Variants in FRMPD1 observed in about 807,000 individuals in gnomAD.
FRMPD1 encodes FERM and PDZ domain-containing protein 1.
A neutral mutation model predicts 117.8 loss-of-function variants in FRMPD1; 76 were observed. The observed-to-expected ratio is 0.65, with a 90% confidence interval of 0.54 to 0.78. The LOEUF (loss-of-function observed/expected upper bound fraction) is 0.78. Among genes scored for constraint, FRMPD1 ranks in the 30% least tolerant of loss-of-function variants. The probability of loss-of-function intolerance (pLI) is 0.00; values close to 1 mark genes in which losing one functional copy is unlikely to be tolerated. For missense variants in FRMPD1, 1,786 were observed against 1,964.5 expected (o/e 0.91, Z 1.72); for synonymous variants, 783 against 770.4 (o/e 1.02, Z -0.27).
At chr9:37,680,528 A>G (rs1352112326) in intron 1 of FRMPD1, among the ~76,000 whole-genome samples, 1 of 152,160 alleles carries the variant, frequency 6.6e-6, no homozygotes, top group East Asian at 1.9e-4. Context: ...GTGGTCTGGC[A>G]GTTTGTTGAC....
At chr9:37,609,016 C>T in the FRMPD1 span, among the ~76,000 whole-genome samples, 1 of 152,192 alleles carries the variant, frequency 6.6e-6, no homozygotes, top group Admixed American at 6.5e-5. Flanking sequence ...TCAGGCCGGG[C>T]ATGGTGGCTC....
At chr9:37,615,298 A>G in the FRMPD1 span, among the ~76,000 whole-genome samples, 29 of 151,738 alleles carry the variant, frequency 1.9e-4, no homozygotes, top group Non-Finnish European at 1.6e-4. Flanking sequence ...TTTGGTAGAG[A>G]TGGGGTTTAG....
the FRMPD1 span, among the ~76,000 whole-genome samples, chr9:37,631,882 G>C: frequency 1.3e-5 from 2 of 152,182 alleles, no homozygotes; most frequent in Non-Finnish European, 2.9e-5. Context: ...TGGGATTATA[G>C]ACATGAGCCA....
chr9:37,690,962 A>G (rs1189277358), intron 1 of FRMPD1, among the ~76,000 whole-genome samples: 2 of 152,194 alleles, frequency 1.3e-5, no homozygotes, highest in African/African-American at 4.8e-5. Context: ...TTCATTCATG[A>G]GGACACAGCC....
chr9:37,736,267 C>G (rs1171432474), intron 13 of FRMPD1, among the ~76,000 whole-genome samples: 1 of 151,930 alleles, frequency 6.6e-6, no homozygotes, highest in African/African-American at 2.4e-5. Flanking sequence ...TCCCAAAGTG[C>G]TGGGATTACA....
At chr9:37,614,089 A>T in the FRMPD1 span, among the ~76,000 whole-genome samples, 11 of 152,374 alleles carry the variant, frequency 7.2e-5, no homozygotes, top group South Asian at 2.3e-3. Context: ...GAGACCTCTC[A>T]TATGACATCA....
intron 12 of FRMPD1, 128 bp from the exon 13 acceptor site, chr9:37,735,424 G>A (rs376005046): frequency 1.9e-5 from 13 of 691,246 alleles, no homozygotes; most frequent in South Asian, 1.4e-4. Flanking sequence ...GCAATAGTCT[G>A]GAGGAGTGGT....
At chr9:37,633,575 G>T in the FRMPD1 span, among the ~76,000 whole-genome samples, 1 of 152,204 alleles carries the variant, frequency 6.6e-6, no homozygotes, top group Admixed American at 6.5e-5. Flanking sequence ...AAGAAAAAAA[G>T]CAGCCTGGTG....
chr9:37,683,359 A>G (rs1395255607), intron 1 of FRMPD1, among the ~76,000 whole-genome samples: 4 of 152,238 alleles, frequency 2.6e-5, no homozygotes, highest in African/African-American at 4.8e-5. Flanking sequence ...AGAACTTTAT[A>G]GTTTTCAAAG....
At chr9:37,733,929 G>A (rs1038972205) in intron 12 of FRMPD1, 104 bp downstream of exon 12, 31 of 725,136 alleles carry the variant, frequency 4.3e-5, no homozygotes, top group Middle Eastern at 7.7e-4. Flanking sequence ...ACTCTGTCAT[G>A]TACTAGAATT....
intron 1 of FRMPD1, among the ~76,000 whole-genome samples, chr9:37,676,728 C>T (rs1008929851): frequency 6.6e-6 from 1 of 152,168 alleles, no homozygotes; most frequent in South Asian, 2.1e-4. Flanking sequence ...CATTCTTGGC[C>T]GCCTGACAGC....
intron 2 of FRMPD1, among the ~76,000 whole-genome samples, chr9:37,696,042 A>G (rs1434399006): frequency 2.5e-5 from 2 of 81,578 alleles, no homozygotes; most frequent in Admixed American, 1.4e-4. Flanking sequence ...ACCGTTCTCC[A>G]TTGTTTTGCT....
At chr9:37,655,417 C>T (rs1224616840) in intron 1 of FRMPD1, among the ~76,000 whole-genome samples, 12 of 151,822 alleles carry the variant, frequency 7.9e-5, no homozygotes, top group African/African-American at 1.5e-4. Flanking sequence ...ACTGAAGTCC[C>T]GAGTCCTCAG....
intron 15 of FRMPD1, among the ~76,000 whole-genome samples, chr9:37,741,450 G>C (rs1373048178): frequency 7.4e-6 from 1 of 135,634 alleles, no homozygotes; most frequent in Non-Finnish European, 1.6e-5. Flanking sequence ...ATCCTGGCAG[G>C]ACACACACAC....
chr9:37,731,033 GTTT>G lies in FRMPD1; in HGVS notation c.790_792del (p.Phe264del). The G allele has an allele frequency of 2.5e-6, 4 of 1,613,792 alleles. No individual in the cohort carries two copies. The highest frequency in any genetic ancestry group is 3.4e-6 in the Non-Finnish European group (4 of 1,179,670). The stretch of plus-strand genomic sequence containing the variant: ...GACTACCGCTGCCTCTTCAGGGTCT[GTTT>G]TGTTCCCAAGGACCCCCTGGACCTC... On this transcript the variant is annotated inframe_deletion, in exon 9 of 16. Transcript: ENST00000377765.
At position 37,746,715 on chromosome 9, in the gene FRMPD1, C is replaced by G; in HGVS notation, c.4683C>G (p.Leu1561=). The G allele has an allele frequency of 6.2e-7, 1 of 1,614,068 alleles. No homozygotes were observed. The highest frequency in any genetic ancestry group is 8.5e-7 in the Non-Finnish European group (1 of 1,180,040). The change falls in exon 16 of 16, where the codon CTC becomes CTG. Residue 1561 remains leucine, a synonymous_variant. Coordinates refer to ENST00000377765, the MANE Select transcript of FRMPD1 (RefSeq NM_014907.3). The part of the protein sequence containing the change: ...VKLLARQCTA[L]TAAVFCLTQK... ...TCCTGGCCCGTCAGTGCACGGCCCT[C>G]ACGGCCGCCGTGTTCTGTTTGACCC...
intron 10 of FRMPD1, among the ~76,000 whole-genome samples, 156 bp from the exon 11 acceptor site, chr9:37,733,317 A>ATG (rs927187749): frequency 6.6e-6 from 1 of 152,030 alleles, no homozygotes; most frequent in African/African-American, 2.4e-5. Flanking sequence ...GAGTGTGTGT[A>ATG]TGTGTGTGTG....
At chr9:37,686,842 G>A (rs1420101694) in intron 1 of FRMPD1, among the ~76,000 whole-genome samples, 1 of 152,188 alleles carries the variant, frequency 6.6e-6, no homozygotes, top group African/African-American at 2.4e-5. Context: ...CAATCATGTG[G>A]AAACTATAAG....
the FRMPD1 span, among the ~76,000 whole-genome samples, chr9:37,625,108 C>T: frequency 1.2e-3 from 181 of 152,304 alleles, no homozygotes; most frequent in Non-Finnish European, 2.3e-3. Context: ...TATCCCAAGT[C>T]TGAACATGGG....
Sources: gnomAD v4.1 joint callset for allele counts (sites outside exome capture counted in the v4.1 genomes callset) on GRCh38, gnomAD v4.1.1 for gene constraint, MANE v1.5 for transcripts, NCBI Gene and HGNC (gene_info 2026-07-23, HGNC 2026-07-21) for gene names.